The following GRWD1 variants were observed in gnomAD, a reference collection of about 807,000 sequenced individuals.
GRWD1 encodes glutamate rich WD repeat containing 1, also known as glutamate-rich WD repeat-containing protein 1.
In GRWD1, 29 loss-of-function variants were observed where a neutral mutation model predicts 45.3. The ratio of observed to expected loss-of-function variants is 0.64; its 90% CI spans 0.48 to 0.87. GRWD1 has a LOEUF of 0.87. Ranked by LOEUF, GRWD1 falls within the 40% of genes least tolerant of loss-of-function variation. GRWD1 has a pLI of 0.00. For missense variants in GRWD1, 592 were observed against 618.8 expected, an observed-to-expected ratio of 0.96 and a Z score of 0.46; for synonymous variants, 262 against 257.6, an observed-to-expected ratio of 1.02 and a Z score of -0.16.
At position 48,453,270 on chromosome 19, in the gene GRWD1, G is replaced by C. The variant is rs963824214; in HGVS notation, c.*245G>C. 3 of 445,042 alleles carry C rather than the reference G, an allele frequency of 6.7e-6. No homozygotes were observed. Among genetic ancestry groups the C allele is most frequent in the Non-Finnish European group, 1.2e-5 (3 of 250,094 alleles). The allele number at this position is 445,042 out of a possible 1,614,324, so 27.6% of individuals were successfully genotyped here. ...CCCACCCAGAGACTTGTGTGGCCTG[G>C]TGTGGCCTGTGTGTCGGATTCCTTC... On this transcript the variant is annotated 3_prime_UTR_variant, in exon 7 of 7. Transcript: ENST00000253237.
rs529502498 is a variant in GRWD1, at chr19:48,456,901, C to G, written c.*3876C>G. ...ACAGGGTTTTGCTGTCTTCCCCAGG[C>G]TGGTTCTCAAACCCCTGGCCTCACG... On this transcript the variant is annotated 3_prime_UTR_variant, in exon 7 of 7. Coordinates refer to ENST00000253237, the MANE Select transcript of GRWD1 (RefSeq NM_031485.4). The G allele has an allele frequency of 6.6e-6, 1 of 151,842 alleles. No homozygotes were observed. Among genetic ancestry groups the G allele is most frequent in the South Asian group, 2.1e-4 (1 of 4,800 alleles). 9.4% of individuals were successfully genotyped at this position (151,842 alleles called of 1,614,324 possible). A position where few individuals can be genotyped will look rare whatever the true frequency, so the allele number is the denominator to read the frequency against.
intron 1 of GRWD1, 43 bp downstream of exon 1, chr19:48,446,235 C>A: frequency 6.3e-7 from 1 of 1,578,332 alleles, no homozygotes. Flanking sequence ...GTGGCTGATC[C>A]CGAGCCTTTA....
chr19:48,452,580 G>C lies in GRWD1; in HGVS notation c.1024-128G>C, dbSNP rs139736878. ...TGTCCCTTTCCTGGACTCTGGGCTT[G>C]TGAGGGCTTAAGGGGTGGGGCCCTG... On this transcript the variant is annotated intron_variant, in intron 6 of 6. Coordinates refer to ENST00000253237, the MANE Select transcript of GRWD1 (RefSeq NM_031485.4). This position sits in a 1 kb window ranked among gnomAD's most constrained non-coding sequence, Gnocchi z 5.1. 1 of 762,494 alleles carries C rather than the reference G, an allele frequency of 1.3e-6. No individual in the cohort carries two copies. The highest frequency in any genetic ancestry group is 2.6e-5 in the Admixed American group (1 of 39,050). The allele number at this position is 762,494 out of a possible 1,614,324, so 47.2% of individuals were successfully genotyped here. A position where few individuals can be genotyped will look rare whatever the true frequency, so the allele number is the denominator to read the frequency against.
At position 48,456,073 on chromosome 19, in the gene GRWD1, C is replaced by T. The variant is rs1228198814; in HGVS notation, c.*3048C>T. Reference sequence around the variant, plus strand: ...GAGAGACCTGCGACAAGGGACTAACCTCAGCCCCAGTTGGCTTTTCTGTGA... The same window carrying T: ...GAGAGACCTGCGACAAGGGACTAACTTCAGCCCCAGTTGGCTTTTCTGTGA... On this transcript the variant is annotated 3_prime_UTR_variant, in exon 7 of 7. Transcript: ENST00000253237. 3 of 152,234 alleles carry T rather than the reference C, an allele frequency of 2.0e-5. No individual in the cohort carries two copies. The highest frequency in any genetic ancestry group is 4.4e-5 in the Non-Finnish European group (3 of 68,036). The allele number at this position is 152,234 out of a possible 1,614,324, so 9.4% of individuals were successfully genotyped here. A position where few individuals can be genotyped will look rare whatever the true frequency, so the allele number is the denominator to read the frequency against.
Position 48,455,971 on chromosome 19 carries a change from T to C in GRWD1, c.*2946T>C, listed in dbSNP as rs1971534729. 6.6e-6 allele frequency: 1 copy of C among 152,196 alleles called. No homozygotes were observed. Among genetic ancestry groups the C allele is most frequent in the Non-Finnish European group, 1.5e-5 (1 of 68,054 alleles). The allele number at this position is 152,196 out of a possible 1,614,324, so 9.4% of individuals were successfully genotyped here. A position where few individuals can be genotyped will look rare whatever the true frequency, so the allele number is the denominator to read the frequency against. On this transcript the variant is annotated 3_prime_UTR_variant, in exon 7 of 7. Coordinates refer to ENST00000253237, the MANE Select transcript of GRWD1 (RefSeq NM_031485.4). ...AACCAGAGTGCTCTTGAGAAGACTG[T>C]GGTTTGTCACTCGGGCCGTGGCTCC... is the stretch of plus-strand genomic sequence containing the variant.
chr19:48,452,185 C>G lies in GRWD1; in HGVS notation c.1024-523C>G, dbSNP rs1971482917. The stretch of plus-strand genomic sequence containing the variant: ...CGCAATCTCGGCTCACTGCAACCTC[C>G]CGCTCCTGGGTTCAAGCGATTCTCC... On this transcript the variant is annotated intron_variant, in intron 6 of 6. Transcript: ENST00000253237. The surrounding 1 kb of genome is among the most constrained non-coding windows in gnomAD (Gnocchi z 5.1). 6.6e-6 allele frequency among the ~76,000 whole-genome samples: 1 copy of G among 151,724 alleles called. No homozygotes were observed. Among genetic ancestry groups the G allele is most frequent in the Non-Finnish European group, 1.5e-5 (1 of 67,942 alleles).
In GRWD1 at chr19:48,454,230, C is replaced by T. The variant is rs555138220; in HGVS notation, c.*1205C>T. ...CATCTCCCCTTTATCACGTTTCTTT[C>T]TTTCTTCTCTGTGTCCCCCTCTTTC... On this transcript the variant is annotated 3_prime_UTR_variant, in exon 7 of 7. Coordinates refer to ENST00000253237, the MANE Select transcript of GRWD1 (RefSeq NM_031485.4). 1 of 152,264 alleles carries T rather than the reference C, an allele frequency of 6.6e-6. No homozygotes were observed. The highest frequency in any genetic ancestry group is 2.4e-5 in the African/African-American group (1 of 41,450). The allele number at this position is 152,264 out of a possible 1,614,324, so 9.4% of individuals were successfully genotyped here. A position where few individuals can be genotyped will look rare whatever the true frequency, so the allele number is the denominator to read the frequency against.
In GRWD1 at chr19:48,456,021, C is replaced by G. The variant is rs28709275; in HGVS notation, c.*2996C>G. On this transcript the variant is annotated 3_prime_UTR_variant, in exon 7 of 7. Transcript: ENST00000253237. ...CCAGGAGGCCTGGGTGGGAGGCTAG[C>G]TTTTGCCACTCCTCTCCCCACTGGC... 14,053 of 152,334 alleles carry G rather than the reference C, an allele frequency of 0.092. 1,308 individuals are homozygous for G. The highest frequency in any genetic ancestry group is 0.24 in the African/African-American group (10,052 of 41,530). The allele number at this position is 152,334 out of a possible 1,614,324, so 9.4% of individuals were successfully genotyped here.
Position 48,452,590 on chromosome 19 carries a change from A to T in GRWD1, c.1024-118A>T. ...CTGGACTCTGGGCTTGTGAGGGCTT[A>T]AGGGGTGGGGCCCTGGCTGAACCCT... is the stretch of plus-strand genomic sequence containing the variant. On this transcript the variant is annotated intron_variant, in intron 6 of 6. Coordinates refer to ENST00000253237, the MANE Select transcript of GRWD1 (RefSeq NM_031485.4). This position sits in a 1 kb window ranked among gnomAD's most constrained non-coding sequence, Gnocchi z 5.1. The T allele has an allele frequency of 1.2e-6, 1 of 846,838 alleles. No homozygotes were observed. The highest frequency in any genetic ancestry group is 1.9e-6 in the Non-Finnish European group (1 of 537,208). 52.5% of individuals were successfully genotyped at this position (846,838 alleles called of 1,614,324 possible). A position where few individuals can be genotyped will look rare whatever the true frequency, so the allele number is the denominator to read the frequency against.
rs780814748 is a variant in GRWD1, at chr19:48,450,997, G to A, written c.826-37G>A. The A allele has an allele frequency of 6.3e-7, 1 of 1,593,132 alleles. No individual in the cohort carries two copies. The highest frequency in any genetic ancestry group is 2.2e-5 in the East Asian group (1 of 44,532). Reference sequence around the variant, plus strand: ...GGCGCTTGGGCTTCACTGCGGGCTGGGGGGCATTGGGACCACTCAGACTCC... The same window carrying A: ...GGCGCTTGGGCTTCACTGCGGGCTGAGGGGCATTGGGACCACTCAGACTCC... On this transcript the variant is annotated intron_variant, in intron 5 of 6. Transcript: ENST00000253237. This position sits in a 1 kb window ranked among gnomAD's most constrained non-coding sequence, Gnocchi z 5.1.
Position 48,452,705 on chromosome 19 carries a change from T to C in GRWD1, c.1024-3T>C. The C allele has an allele frequency of 6.4e-7, 1 of 1,559,714 alleles. No homozygotes were observed. The highest frequency in any genetic ancestry group is 1.2e-5 in the South Asian group (1 of 82,986). On this transcript the variant is annotated splice_polypyrimidine_tract_variant and splice_region_variant and intron_variant, in intron 6 of 6. Transcript: ENST00000253237. The surrounding 1 kb of genome is among the most constrained non-coding windows in gnomAD (Gnocchi z 5.1). ...GCCCGTTCCTCCCATCCTCTCCCTC[T>C]AGTCTGGTTCCCCAGTGGCCACCTT...
intron 3 of GRWD1, among the ~76,000 whole-genome samples, chr19:48,447,754 G>T (rs142803877): frequency 6.6e-6 from 1 of 152,192 alleles, no homozygotes; most frequent in South Asian, 2.1e-4. Flanking sequence ...GTCATTACAT[G>T]TTAGGTACTG....
At chr19:48,447,738 A>T (rs1390438997) in intron 3 of GRWD1, among the ~76,000 whole-genome samples, 1 of 152,200 alleles carries the variant, frequency 6.6e-6, no homozygotes, top group Non-Finnish European at 1.5e-5. Flanking sequence ...AGCTATTATG[A>T]TCAGTGTCAT....
intron 3 of GRWD1, among the ~76,000 whole-genome samples, chr19:48,449,133 G>A (rs1013021425): frequency 3.4e-4 from 51 of 152,052 alleles, no homozygotes; most frequent in African/African-American, 1.1e-3. Flanking sequence ...CGCTTTTGTC[G>A]CCCAGGCCGG....
intron 3 of GRWD1, among the ~76,000 whole-genome samples, chr19:48,447,386 G>A (rs936825807): frequency 6.1e-4 from 93 of 152,222 alleles, no homozygotes; most frequent in African/African-American, 2.1e-3. Context: ...GAGATTACAG[G>A]TGCGCGCCAC....
chr19:48,447,071 A>ATTTTTTT (rs869052120), intron 3 of GRWD1, among the ~76,000 whole-genome samples: 1 of 19,272 alleles, frequency 5.2e-5, no homozygotes, highest in Non-Finnish European at 3.7e-4. Context: ...TGCCTGGCCC[A>ATTTTTTT]TTTTTTTTTT....
In GRWD1 at chr19:48,450,833, G is replaced by T. The variant is rs558030913; in HGVS notation, c.825+25G>T. 2 of 1,602,722 alleles carry T rather than the reference G, an allele frequency of 1.2e-6. No homozygotes were observed. The highest frequency in any genetic ancestry group is 2.3e-5 in the East Asian group (1 of 44,426). Reference sequence around the variant, plus strand: ...GGTGAGGGAGGGTGGGGTTCTGGTCGTTTAGTTCTGATGGATTCTAGGCCA... The same window carrying T: ...GGTGAGGGAGGGTGGGGTTCTGGTCTTTTAGTTCTGATGGATTCTAGGCCA... On this transcript the variant is annotated intron_variant, in intron 5 of 6. Transcript: ENST00000253237. This position sits in a 1 kb window ranked among gnomAD's most constrained non-coding sequence, Gnocchi z 5.1.
At chr19:48,449,934 C>CA (rs1349681349) in intron 3 of GRWD1, among the ~76,000 whole-genome samples, 1 of 152,120 alleles carries the variant, frequency 6.6e-6, no homozygotes, top group Non-Finnish European at 1.5e-5. Flanking sequence ...AGTGAACAAA[C>CA]ACAGAGGCAA....
rs1971404972 is a variant in GRWD1 at position 48,446,497 on chromosome 19, C to T, written c.300C>T (p.Ser100=). Residue 100 remains serine (S), a synonymous_variant, in exon 2 of 7, where the codon AGC becomes AGT. Transcript: ENST00000253237. ...CAGTQAESAQ[S]NRLMMLRMHN... ...GGACCCAGGCTGAGAGCGCCCAGAG[C>T]AACAGGTAAGACCCGAGGCTTTTCC... The T allele has an allele frequency of 1.2e-6, 2 of 1,613,622 alleles. No homozygotes were observed. Among genetic ancestry groups the T allele is most frequent in the Non-Finnish European group, 8.5e-7 (1 of 1,179,668 alleles).
Sources: gnomAD v4.1 joint callset for allele counts (sites outside exome capture counted in the v4.1 genomes callset) on GRCh38, gnomAD v4.1.1 for gene constraint, Gnocchi (gnomAD v3.1) non-coding constraint, MANE v1.5 for transcripts, NCBI Gene and HGNC (gene_info 2026-07-23, HGNC 2026-07-21) for gene names.